TAOK3: variants seen among roughly 807,000 people sequenced by gnomAD.
The protein encoded by TAOK3 is serine/threonine-protein kinase TAO3.
TAOK3 carries 40 observed loss-of-function variants against 120.4 expected under a neutral mutation model. The ratio of observed to expected loss-of-function variants is 0.33; its 90% CI spans 0.26 to 0.43. The LOEUF (loss-of-function observed/expected upper bound fraction) is 0.43, where lower values mean the gene tolerates loss of function less well. Among genes scored for constraint, TAOK3 ranks in the 20% least tolerant of loss-of-function variants. TAOK3 has a pLI of 1.00. For missense variants in TAOK3, 821 were observed against 1,112.1 expected, an observed-to-expected ratio of 0.74 and a Z score of 3.72; for synonymous variants, 355 against 387.5, an observed-to-expected ratio of 0.92 and a Z score of 0.99.
chr12:118,259,612 G>T (rs1247977688), intron 2 of TAOK3, among the ~76,000 whole-genome samples: 1 of 152,134 alleles, frequency 6.6e-6, no homozygotes, highest in Non-Finnish European at 1.5e-5. Flanking sequence ...TGGATATCAG[G>T]CAAAGAAAGA....
chr12:118,217,811 G>GTATACATATATATATATA (rs1240244635), intron 9 of TAOK3, among the ~76,000 whole-genome samples: 1 of 75,402 alleles, frequency 1.3e-5, no homozygotes, highest in African/African-American at 5.1e-5. Flanking sequence ...GTGTGTGTGT[G>GTATACATATATATATATA]TATACATATA....
chr12:118,363,268 C>A (rs1256448961), intron 1 of TAOK3, among the ~76,000 whole-genome samples: 19 of 152,064 alleles, frequency 1.2e-4, no homozygotes. Flanking sequence ...TAGGAATGCA[C>A]ATTATCTTCA....
At chr12:118,302,516 G>C (rs2042916613) in intron 1 of TAOK3, among the ~76,000 whole-genome samples, 1 of 152,112 alleles carries the variant, frequency 6.6e-6, no homozygotes, top group African/African-American at 2.4e-5. Context: ...AGAATAGCAG[G>C]GTCAGGTACA....
intron 2 of TAOK3, among the ~76,000 whole-genome samples, chr12:118,261,971 G>A (rs560567172): frequency 4.6e-5 from 7 of 151,960 alleles, no homozygotes; most frequent in South Asian, 2.1e-4. Flanking sequence ...AGCAATTCTC[G>A]TGCCTCAGTC....
chr12:118,338,127 T>A (rs1397473035), intron 1 of TAOK3, among the ~76,000 whole-genome samples: 2 of 152,246 alleles, frequency 1.3e-5, no homozygotes, highest in Non-Finnish European at 2.9e-5. Flanking sequence ...CATCATTCAC[T>A]TCTTTAAGCA....
At chr12:118,286,710 T>C (rs956459327) in intron 1 of TAOK3, among the ~76,000 whole-genome samples, 2 of 152,182 alleles carry the variant, frequency 1.3e-5, no homozygotes, top group South Asian at 4.1e-4. Flanking sequence ...CCAGCAATCC[T>C]GGTACTGGTT....
chr12:118,276,119 A>T (rs910146721), intron 1 of TAOK3, among the ~76,000 whole-genome samples: 2 of 152,226 alleles, frequency 1.3e-5, no homozygotes, highest in Non-Finnish European at 2.9e-5. Context: ...TTCTGTGTTT[A>T]AAAGGATCAC....
intron 13 of TAOK3, among the ~76,000 whole-genome samples, chr12:118,191,946 T>C (rs973253243): frequency 3.9e-5 from 6 of 152,188 alleles, no homozygotes; most frequent in African/African-American, 1.2e-4. Flanking sequence ...ACCAAGTACA[T>C]TGATAGAGGG....
intron 10 of TAOK3, among the ~76,000 whole-genome samples, chr12:118,213,527 T>C (rs2038733085): frequency 1.3e-5 from 2 of 152,122 alleles, no homozygotes; most frequent in South Asian, 2.1e-4. Flanking sequence ...GTGGCCCAAA[T>C]AGTTATAAAA....
At chr12:118,200,547 C>T (rs1285537222) in intron 12 of TAOK3, 1 of 152,192 alleles carries the variant, frequency 6.6e-6, no homozygotes, top group Non-Finnish European at 1.5e-5. Flanking sequence ...ACTATTCATT[C>T]TACCTAGTCC....
chr12:118,178,507 G>A (rs964165443), intron 15 of TAOK3, among the ~76,000 whole-genome samples: 4 of 151,918 alleles, frequency 2.6e-5, no homozygotes, highest in South Asian at 2.1e-4. Context: ...ACACAGGCTC[G>A]AGTGCGGTGG....
intron 9 of TAOK3, among the ~76,000 whole-genome samples, chr12:118,218,697 T>C (rs2039066280): frequency 6.6e-6 from 1 of 152,148 alleles, no homozygotes; most frequent in Non-Finnish European, 1.5e-5. Context: ...TGTGGCTGAT[T>C]GAATTCATGG....
At chr12:118,174,955 C>T (rs1277918775) in intron 16 of TAOK3, among the ~76,000 whole-genome samples, 1 of 152,120 alleles carries the variant, frequency 6.6e-6, no homozygotes, top group African/African-American at 2.4e-5. Context: ...AGCCACCGTG[C>T]CCAGCCAAGG....
In TAOK3 at chr12:118,160,944, C is replaced by T. The variant is rs2035179163; in HGVS notation, c.2140-586G>A. On this transcript the variant is annotated intron_variant, in intron 18 of 20. Coordinates refer to ENST00000392533, the MANE Select transcript of TAOK3 (RefSeq NM_016281.4). This position sits in a 1 kb window ranked among gnomAD's most constrained non-coding sequence, Gnocchi z 4.2. ...GAGAAAAGTGATTTAGAATTTTTTT[C>T]CCCATTAAGAGGTTGTGCTTGCATG... Among the ~76,000 whole-genome samples the T allele has an allele frequency of 6.6e-6, 1 of 152,090 alleles. No individual in the cohort carries two copies. The highest frequency in any genetic ancestry group is 1.5e-5 in the Non-Finnish European group (1 of 68,000).
At chr12:118,246,974 T>C (rs1303602654) in intron 3 of TAOK3, 11 of 1,042,932 alleles carry the variant, frequency 1.1e-5, no homozygotes, top group African/African-American at 8.0e-5. Context: ...AGGGTTTTTA[T>C]ACAAGAAAAA....
intron 2 of TAOK3, among the ~76,000 whole-genome samples, chr12:118,262,781 C>T (rs866404913): frequency 4.2e-5 from 6 of 141,886 alleles, no homozygotes; most frequent in South Asian, 2.3e-4. Context: ...GAGCTGAGAT[C>T]GTGTCACTGC....
intron 9 of TAOK3, among the ~76,000 whole-genome samples, chr12:118,215,574 A>G (rs1356306512): frequency 6.6e-6 from 1 of 152,098 alleles, no homozygotes; most frequent in African/African-American, 2.4e-5. Context: ...AATTATATTC[A>G]GTAAATACTG....
chr12:118,245,218 T>C (rs1260340354), intron 3 of TAOK3, among the ~76,000 whole-genome samples: 1 of 152,044 alleles, frequency 6.6e-6, no homozygotes, highest in African/African-American at 2.4e-5. Flanking sequence ...GTATTTTTAG[T>C]AGAAATGGGG....
At chr12:118,341,436 T>C (rs777668779) in intron 1 of TAOK3, among the ~76,000 whole-genome samples, 1 of 152,144 alleles carries the variant, frequency 6.6e-6, no homozygotes, top group Non-Finnish European at 1.5e-5. Flanking sequence ...CCAAATTAGG[T>C]CCATCTGTCC....
Sources: allele counts gnomAD v4.1 joint callset (sites outside exome capture counted in the v4.1 genomes callset), GRCh38; gene constraint gnomAD v4.1.1; non-coding constraint Gnocchi (gnomAD v3.1); transcripts MANE v1.5; gene names NCBI Gene and HGNC (gene_info 2026-07-23, HGNC 2026-07-21).